Variants in CACNA2D2 observed in about 807,000 individuals in gnomAD.
CACNA2D2 encodes calcium voltage-gated channel auxiliary subunit alpha2delta 2.
Under a neutral mutation model 166.4 loss-of-function variants are expected in CACNA2D2, and 48 were observed. The ratio of observed to expected loss-of-function variants is 0.29; its 90% CI spans 0.23 to 0.37. CACNA2D2 has a LOEUF of 0.37. Ranked by LOEUF, CACNA2D2 falls within the 10% of genes least tolerant of loss-of-function variation. The pLI is 1.00. For missense variants in CACNA2D2, 1,122 were observed against 1,433.0 expected (o/e 0.78, Z 3.50); for synonymous variants, 561 against 573.7 (o/e 0.98, Z 0.32).
chr3:50,499,947 T>C (rs1698888512), intron 1 of CACNA2D2, among the ~76,000 whole-genome samples: 1 of 152,036 alleles, frequency 6.6e-6, no homozygotes, highest in Non-Finnish European at 1.5e-5. Context: ...TGCATCTCGG[T>C]GACAGCAGCA....
chr3:50,399,773 T>C (rs1168842586), intron 3 of CACNA2D2, among the ~76,000 whole-genome samples: 2 of 152,176 alleles, frequency 1.3e-5, no homozygotes, highest in African/African-American at 4.8e-5. Flanking sequence ...CAGTGACTGT[T>C]CCAGGAAAGG....
At chr3:50,471,682 C>T (rs1201886455) in intron 2 of CACNA2D2, among the ~76,000 whole-genome samples, 3 of 152,180 alleles carry the variant, frequency 2.0e-5, no homozygotes, top group Admixed American at 2.0e-4. Flanking sequence ...AGGGGGAGGC[C>T]TGTCTCAAAG....
Position 50,496,795 on chromosome 3 carries a change from TG to T in CACNA2D2, c.206+6422del, listed in dbSNP as rs146726368. Reference sequence around the variant, plus strand: ...AAGGTCACACAGCTGTTGAGAGGTGTGGCAGAGTCTCAGTGCACACGAAGAG... The same window carrying T: ...AAGGTCACACAGCTGTTGAGAGGTGTGCAGAGTCTCAGTGCACACGAAGAG... On this transcript the variant is annotated intron_variant, in intron 1 of 37. Coordinates refer to ENST00000424201, the MANE Select transcript of CACNA2D2 (RefSeq NM_006030.4). Among the ~76,000 whole-genome samples the T allele has an allele frequency of 4.9e-3, 748 of 152,246 alleles. 7 individuals carry two copies. The highest frequency in any genetic ancestry group is 0.017 in the African/African-American group (696 of 41,532).
intron 3 of CACNA2D2, among the ~76,000 whole-genome samples, chr3:50,428,141 C>T (rs922128829): frequency 2.0e-5 from 3 of 152,070 alleles, no homozygotes; most frequent in Admixed American, 6.6e-5. Flanking sequence ...CAACATTTGG[C>T]GGTATTTAGA....
At chr3:50,394,254 C>T in intron 3 of CACNA2D2, 86 bp from the exon 4 acceptor site, 1 of 1,098,820 alleles carries the variant, frequency 9.1e-7, no homozygotes. Context: ...CCCCAGCACT[C>T]CCTGGGGCCA....
intron 3 of CACNA2D2, among the ~76,000 whole-genome samples, chr3:50,408,610 T>A (rs1026084525): frequency 6.6e-6 from 1 of 152,244 alleles, no homozygotes; most frequent in Non-Finnish European, 1.5e-5. Flanking sequence ...AGGCGGCCAG[T>A]GGGACAGCTG....
intron 1 of CACNA2D2, among the ~76,000 whole-genome samples, chr3:50,495,888 C>A (rs964820316): frequency 6.6e-6 from 1 of 152,256 alleles, no homozygotes; most frequent in African/African-American, 2.4e-5. Flanking sequence ...CACGGAGCTC[C>A]TCTGAGTCCC....
chr3:50,464,335 G>A (rs1407852531), intron 2 of CACNA2D2, among the ~76,000 whole-genome samples: 3 of 152,238 alleles, frequency 2.0e-5, no homozygotes, highest in Non-Finnish European at 2.9e-5. Context: ...CTAAGGCTGT[G>A]AGTTGAGTGT....
chr3:50,371,382 G>A (rs1704649223), intron 22 of CACNA2D2, among the ~76,000 whole-genome samples: 3 of 152,074 alleles, frequency 2.0e-5, no homozygotes, highest in Admixed American at 2.0e-4. Flanking sequence ...CTAAGTGTGA[G>A]TATCTCTGTA....
intron 3 of CACNA2D2, among the ~76,000 whole-genome samples, chr3:50,414,589 G>C (rs1707181847): frequency 6.6e-6 from 1 of 152,192 alleles, no homozygotes; most frequent in African/African-American, 2.4e-5. Context: ...TCTCATCCCA[G>C]TGCCTGCCTA....
intron 22 of CACNA2D2, among the ~76,000 whole-genome samples, chr3:50,371,268 G>A (rs587686684): frequency 6.6e-6 from 1 of 152,304 alleles, no homozygotes; most frequent in East Asian, 1.9e-4. Flanking sequence ...AGAGGGCATA[G>A]GGCTGCTGTT....
At chr3:50,404,733 G>A (rs1446373224) in intron 3 of CACNA2D2, among the ~76,000 whole-genome samples, 1 of 152,186 alleles carries the variant, frequency 6.6e-6, no homozygotes, top group African/African-American at 2.4e-5. Flanking sequence ...AGGTCAGTGA[G>A]CATTACAGAC....
At chr3:50,502,409 C>A (rs1466090111) in intron 1 of CACNA2D2, among the ~76,000 whole-genome samples, 1 of 152,238 alleles carries the variant, frequency 6.6e-6, no homozygotes, top group African/African-American at 2.4e-5. Context: ...CAGCCCCAGA[C>A]ACATCTGGCT....
intron 3 of CACNA2D2, among the ~76,000 whole-genome samples, chr3:50,429,194 C>T (rs577508617): frequency 2.6e-5 from 4 of 152,218 alleles, no homozygotes; most frequent in Non-Finnish European, 4.4e-5. Context: ...CCCACCACTG[C>T]GCTCCAGCCT....
Position 50,365,333 on chromosome 3 carries a change from T to C in CACNA2D2, c.3098+23A>G. The stretch of plus-strand genomic sequence containing the variant: ...GCTCACAGGTTCCGCCCTTGGCCTC[T>C]GGTCCCGCCCCACTGCCAGCACCTG... On this transcript the variant is annotated intron_variant, in intron 35 of 37. Transcript: ENST00000424201. This position sits in a 1 kb window ranked among gnomAD's most constrained non-coding sequence, Gnocchi z 4.5. 6.2e-7 allele frequency: 1 copy of C among 1,609,478 alleles called. No homozygotes were observed. The highest frequency in any genetic ancestry group is 8.5e-7 in the Non-Finnish European group (1 of 1,178,258).
At chr3:50,383,738 G>A (rs1705445104) in intron 6 of CACNA2D2, among the ~76,000 whole-genome samples, 1 of 152,126 alleles carries the variant, frequency 6.6e-6, no homozygotes, top group Non-Finnish European at 1.5e-5. Context: ...TCATAGGGTT[G>A]GTATCTGTGA....
intron 6 of CACNA2D2, among the ~76,000 whole-genome samples, chr3:50,383,235 A>G (rs905581245): frequency 6.6e-6 from 1 of 152,082 alleles, no homozygotes; most frequent in Admixed American, 6.5e-5. Flanking sequence ...AGGGGGGAGC[A>G]TCCTTCCCCA....
intron 2 of CACNA2D2, among the ~76,000 whole-genome samples, chr3:50,441,232 C>G (rs1216709508): frequency 6.6e-6 from 1 of 152,068 alleles, no homozygotes; most frequent in Non-Finnish European, 1.5e-5. Flanking sequence ...CTTTCACCAG[C>G]AAGATTACCT....
At chr3:50,484,875 A>G (rs1273813253) in intron 1 of CACNA2D2, among the ~76,000 whole-genome samples, 1 of 152,140 alleles carries the variant, frequency 6.6e-6, no homozygotes, top group African/African-American at 2.4e-5. Context: ...CCTCCTGTCC[A>G]GCTTGTGTGT....
Sources: gnomAD v4.1 joint callset for allele counts (sites outside exome capture counted in the v4.1 genomes callset) on GRCh38, gnomAD v4.1.1 for gene constraint, Gnocchi (gnomAD v3.1) non-coding constraint, MANE v1.5 for transcripts, NCBI Gene and HGNC (gene_info 2026-07-23, HGNC 2026-07-21) for gene names.